SP4: variants seen among roughly 807,000 people sequenced by gnomAD.
The protein encoded by SP4 is Sp4 transcription factor.
In SP4, 19 loss-of-function variants were observed where a neutral mutation model predicts 72.8. That is an observed-to-expected ratio of 0.26 (90% CI 0.18 to 0.38). SP4 has a LOEUF of 0.38. Among genes scored for constraint, SP4 ranks in the 10% least tolerant of loss-of-function variants. SP4 has a pLI of 1.00. For synonymous variants in SP4, 395 were observed against 333.1 expected, an observed-to-expected ratio of 1.19 and a Z score of -2.02; for missense variants, 1,008 against 926.3, an observed-to-expected ratio of 1.09 and a Z score of -1.14.
At chr7:21,442,726 A>T (rs1783300151) in intron 3 of SP4, among the ~76,000 whole-genome samples, 1 of 152,120 alleles carries the variant, frequency 6.6e-6, no homozygotes, top group Non-Finnish European at 1.5e-5. Flanking sequence ...TTTGAAATTC[A>T]AGTAGTTTTT....
chr7:21,475,617 C>G (rs1405613517), intron 3 of SP4, among the ~76,000 whole-genome samples: 1 of 152,130 alleles, frequency 6.6e-6, no homozygotes, highest in South Asian at 2.1e-4. Flanking sequence ...GCGCCCGCCA[C>G]CACGCCCGGC....
At chr7:21,453,709 T>C (rs1284250136) in intron 3 of SP4, among the ~76,000 whole-genome samples, 1 of 152,234 alleles carries the variant, frequency 6.6e-6, no homozygotes, top group Non-Finnish European at 1.5e-5. Flanking sequence ...ATAGACCTTT[T>C]ATAACCCTTT....
intron 3 of SP4, among the ~76,000 whole-genome samples, chr7:21,475,029 T>G (rs1363675951): frequency 2.0e-5 from 3 of 152,192 alleles, no homozygotes; most frequent in African/African-American, 7.2e-5. Flanking sequence ...GTACTTTTTA[T>G]TGCCTCTTCT....
Position 21,429,986 on chromosome 7 carries a change from T to C in SP4, c.821T>C (p.Val274Ala). The change falls in exon 3 of 6, where the codon GTG becomes GCG. Residue 274 changes from valine (V) to alanine (A), a missense_variant. Around this residue, in one of 3 missense-constraint regions of SP4, gnomAD observed 893 missense variants for 743.3 expected, o/e 1.20. Transcript: ENST00000222584. ...VTLALPVINNVAAGGGTGQVG... is the reference protein window; with the variant it reads ...VTLALPVINNAAAGGGTGQVG... ...CTAGCTTTGCCAGTGATAAACAACGTGGCTGCCGGAGGAGGGACTGGGCAG... is the reference window on the plus strand; with the variant it reads ...CTAGCTTTGCCAGTGATAAACAACGCGGCTGCCGGAGGAGGGACTGGGCAG... 6.2e-7 allele frequency: 1 copy of C among 1,614,184 alleles called. No homozygotes were observed. The highest frequency in any genetic ancestry group is 8.5e-7 in the Non-Finnish European group (1 of 1,180,032).
intron 2 of SP4, 97 bp from the exon 3 acceptor site, chr7:21,429,192 T>A (rs1213752034): frequency 1.5e-6 from 1 of 647,410 alleles, no homozygotes; most frequent in Admixed American, 2.9e-5. Flanking sequence ...TATGTAGAGC[T>A]GTCAAAATAA....
intron 5 of SP4, among the ~76,000 whole-genome samples, chr7:21,493,805 T>C (rs772044005): frequency 1.3e-5 from 2 of 151,892 alleles, no homozygotes; most frequent in Non-Finnish European, 2.9e-5. Flanking sequence ...TTTCAGAAAA[T>C]AAGGAACACT....
chr7:21,485,439 C>G (rs1784787861), intron 5 of SP4, among the ~76,000 whole-genome samples: 2 of 151,978 alleles, frequency 1.3e-5, no homozygotes, highest in Non-Finnish European at 2.9e-5. Flanking sequence ...CCACCCCATC[C>G]TGCTTTCCAG....
At chr7:21,506,002 AG>A (rs1454223373) in intron 5 of SP4, among the ~76,000 whole-genome samples, 3 of 152,074 alleles carry the variant, frequency 2.0e-5, no homozygotes, top group African/African-American at 7.2e-5. Context: ...CTCTGTCAGG[AG>A]GCCCATCATT....
chr7:21,471,212 A>C, intron 3 of SP4: 1 of 489,144 alleles, frequency 2.0e-6, no homozygotes, highest in South Asian at 1.5e-5. Flanking sequence ...TATGCTAAGA[A>C]ATACTGACCT....
intron 3 of SP4, among the ~76,000 whole-genome samples, chr7:21,452,808 A>C (rs2128399204): frequency 6.8e-6 from 1 of 147,934 alleles, no homozygotes; most frequent in South Asian, 2.1e-4. Context: ...TTTGAGACAG[A>C]GTCTCACTCT....
At chr7:21,464,367 A>AT (rs1428166373) in intron 3 of SP4, among the ~76,000 whole-genome samples, 2 of 151,980 alleles carry the variant, frequency 1.3e-5, no homozygotes, top group Admixed American at 6.5e-5. Flanking sequence ...AAGTGCTGGG[A>AT]TTACAGGCGT....
intron 3 of SP4, among the ~76,000 whole-genome samples, chr7:21,474,264 G>A (rs1392829841): frequency 6.6e-6 from 1 of 151,996 alleles, no homozygotes; most frequent in Non-Finnish European, 1.5e-5. Context: ...GACCTTTAAA[G>A]TAATGACTGT....
At chr7:21,462,361 TTAAAAAAATAAAAA>T (rs1169206883) in intron 3 of SP4, among the ~76,000 whole-genome samples, 1 of 151,982 alleles carries the variant, frequency 6.6e-6, no homozygotes, top group Non-Finnish European at 1.5e-5. Flanking sequence ...CTCAAGAGTC[TTAAAAAAATAAAAA>T]TAAAAAAGAA....
At chr7:21,451,758 AGAG>A (rs1429965182) in intron 3 of SP4, among the ~76,000 whole-genome samples, 1 of 152,154 alleles carries the variant, frequency 6.6e-6, no homozygotes, top group East Asian at 1.9e-4. Flanking sequence ...CCTGAAGGTG[AGAG>A]GAGACAAATC....
In SP4 at chr7:21,511,177, C is replaced by A; in HGVS notation, c.2263C>A (p.Leu755Ile). 6.2e-7 allele frequency: 1 copy of A among 1,614,132 alleles called. No homozygotes were observed. The highest frequency in any genetic ancestry group is 8.5e-7 in the Non-Finnish European group (1 of 1,179,974). Reference protein sequence around the residue: ...GELDSSVTEVLGSPRIVTVAA... With the variant: ...GELDSSVTEVIGSPRIVTVAA... ...ACTGGACTCATCTGTTACAGAGGTG[C>A]TTGGCTCCCCAAGAATTGTCACAGT... The change falls in exon 6 of 6, where the codon CTT becomes ATT. Residue 755 changes from leucine to isoleucine, a missense_variant. This residue lies in a region of SP4 where 67 missense variants were observed against 66.1 expected (regional missense o/e 1.01). Transcript: ENST00000222584.
At chr7:21,490,402 A>G (rs1322101684) in intron 5 of SP4, among the ~76,000 whole-genome samples, 1 of 152,168 alleles carries the variant, frequency 6.6e-6, no homozygotes, top group African/African-American at 2.4e-5. Flanking sequence ...GCACCAAAAA[A>G]TCTCTAGAAA....
At chr7:21,469,686 T>C (rs1437533193) in intron 3 of SP4, among the ~76,000 whole-genome samples, 1 of 151,494 alleles carries the variant, frequency 6.6e-6, no homozygotes, top group Admixed American at 6.6e-5. Context: ...GGACTACAGG[T>C]GCCCGCCACC....
At chr7:21,473,761 C>T (rs1784415962) in intron 3 of SP4, among the ~76,000 whole-genome samples, 1 of 152,096 alleles carries the variant, frequency 6.6e-6, no homozygotes, top group African/African-American at 2.4e-5. Context: ...TATGCAAAGT[C>T]CCTAAGAAGG....
At chr7:21,464,258 A>G (rs1286600918) in intron 3 of SP4, among the ~76,000 whole-genome samples, 1 of 149,502 alleles carries the variant, frequency 6.7e-6, no homozygotes, top group Non-Finnish European at 1.5e-5. Context: ...CACCACGCCC[A>G]GCTAATTTTT....
Sources: allele counts gnomAD v4.1 joint callset (sites outside exome capture counted in the v4.1 genomes callset), GRCh38; gene constraint gnomAD v4.1.1; regional missense constraint gnomAD v4.1.1; transcripts MANE v1.5; gene names NCBI Gene and HGNC (gene_info 2026-07-23, HGNC 2026-07-21).